Variants in IGHMBP2 observed in about 807,000 individuals in gnomAD.
IGHMBP2 encodes the protein immunoglobulin mu DNA binding protein 2.
Under a neutral mutation model 96.0 loss-of-function variants are expected in IGHMBP2, and 81 were observed. The ratio of observed to expected loss-of-function variants is 0.84; its 90% CI spans 0.71 to 1.01. The LOEUF is 1.01. IGHMBP2 is among the 50% of genes least tolerant of loss of function. The pLI, the probability that IGHMBP2 is intolerant of heterozygous loss-of-function variation, is 0.00. For synonymous variants in IGHMBP2, 557 were observed against 548.9 expected (o/e 1.01, Z -0.21); for missense variants, 1,227 against 1,306.3 (o/e 0.94, Z 0.94).
At chr11:68,933,654 C>T (rs969518509) in intron 9 of IGHMBP2, 141 bp from the exon 10 acceptor site, 13 of 997,386 alleles carry the variant, frequency 1.3e-5, no homozygotes, top group Non-Finnish European at 1.7e-5. Flanking sequence ...CAGGCCCGCT[C>T]CCTCCCTTCT....
chr11:68,912,693 A>G (rs1300818261), intron 5 of IGHMBP2, among the ~76,000 whole-genome samples: 1 of 152,096 alleles, frequency 6.6e-6, no homozygotes, highest in Non-Finnish European at 1.5e-5. Flanking sequence ...CTGAGCACCC[A>G]TTTAATCCTC....
In IGHMBP2 at chr11:68,916,149, C is replaced by T. The variant is rs140472624; in HGVS notation, c.912+1126C>T. Among the ~76,000 whole-genome samples, 855 of 151,728 alleles carry T rather than the reference C, an allele frequency of 5.6e-3. 5 individuals are homozygous for T. Among genetic ancestry groups the T allele is most frequent in the African/African-American group, 0.018 (733 of 41,364 alleles). On this transcript the variant is annotated intron_variant, in intron 6 of 14. Coordinates refer to ENST00000255078, the MANE Select transcript of IGHMBP2 (RefSeq NM_002180.3). The stretch of plus-strand genomic sequence containing the variant: ...TGGTCACTCCACTGCACTCCAGCCT[C>T]GGTGACAAAGCAAGACTCCGTCTCA...
Position 68,934,543 on chromosome 11 carries a change from G to A in IGHMBP2, c.1617G>A (p.Ser539=), listed in dbSNP as rs200269024. Residue 539 remains serine, a synonymous_variant, in exon 11 of 15, where the codon TCG becomes TCA. Transcript: ENST00000255078. ...GVPARDIAVV[S]PYNLQVDLLR... is the part of the protein sequence containing the mutation. ...CAGCCCGTGACATTGCTGTGGTCTC[G>A]CCATACAACCTCCAGGTACGAGGGT... 6.8e-6 allele frequency: 11 copies of A among 1,611,610 alleles called. No individual in the cohort carries two copies. The East Asian group carries it at 8.9e-5, about 13-fold the overall frequency.
chr11:68,937,872 AC>A, intron 13 of IGHMBP2: 1 of 405,040 alleles, frequency 2.5e-6, no homozygotes, highest in South Asian at 2.5e-5. Context: ...ACTGTATGCC[AC>A]GCTTTGTGCT....
In IGHMBP2 at chr11:68,903,949, G is replaced by A. The variant is rs752980392; in HGVS notation, c.-4G>A. 2.5e-5 allele frequency: 39 copies of A among 1,575,642 alleles called. No homozygotes were observed. The highest frequency in any genetic ancestry group is 1.7e-4 in the Middle Eastern group (1 of 6,022). On this transcript the variant is annotated 5_prime_UTR_variant, in exon 1 of 15. Coordinates refer to ENST00000255078, the MANE Select transcript of IGHMBP2 (RefSeq NM_002180.3). ...GCTTCTAGGGGCCCAGGCCGGCGGC[G>A]GCGATGGCCTCGGCAGCTGTGGAGA...
At chr11:68,937,360 A>T (rs1859589955) in intron 13 of IGHMBP2, among the ~76,000 whole-genome samples, 1 of 152,196 alleles carries the variant, frequency 6.6e-6, no homozygotes, top group African/African-American at 2.4e-5. Context: ...CAGCAGCAGG[A>T]GGGGCCTGGA....
intron 2 of IGHMBP2, among the ~76,000 whole-genome samples, 164 bp from the exon 3 acceptor site, chr11:68,907,981 G>A (rs958869089): frequency 1.4e-5 from 2 of 145,542 alleles, no homozygotes; most frequent in Non-Finnish European, 3.0e-5. Flanking sequence ...GAGCCACCGT[G>A]CCCGGCCTAA....
intron 13 of IGHMBP2, chr11:68,937,607 T>C (rs1859602973): frequency 4.0e-6 from 1 of 248,146 alleles, no homozygotes; most frequent in Admixed American, 5.1e-5. Context: ...ACATCCTGCA[T>C]TGTGCCCACC....
intron 13 of IGHMBP2, among the ~76,000 whole-genome samples, chr11:68,937,482 C>T (rs1030780628): frequency 6.6e-6 from 1 of 152,248 alleles, no homozygotes; most frequent in Non-Finnish European, 1.5e-5. Flanking sequence ...AGGGTGCACT[C>T]TGCCTGGAAG....
At chr11:68,933,747 T>G (rs1174619491) in intron 9 of IGHMBP2, 48 bp from the exon 10 acceptor site, 1 of 1,449,378 alleles carries the variant, frequency 6.9e-7, no homozygotes, top group South Asian at 1.2e-5. Flanking sequence ...GGGGCCTCAG[T>G]GCTGCACTGT....
intron 12 of IGHMBP2, among the ~76,000 whole-genome samples, chr11:68,935,703 C>T (rs972198720): frequency 1.2e-4 from 19 of 152,192 alleles, no homozygotes; most frequent in African/African-American, 4.6e-4. Flanking sequence ...GAGGTGAAGC[C>T]CCCTGCAGCC....
chr11:68,906,644 T>C (rs1182589451), intron 2 of IGHMBP2, among the ~76,000 whole-genome samples: 8 of 143,794 alleles, frequency 5.6e-5, no homozygotes, highest in East Asian at 4.0e-4. Flanking sequence ...TCTTTTCTTT[T>C]TTTTTTTTTT....
At chr11:68,932,500 C>T (rs1199185904) in intron 8 of IGHMBP2, 3 of 152,144 alleles carry the variant, frequency 2.0e-5, no homozygotes, top group African/African-American at 7.3e-5. Flanking sequence ...TCTGTCTCAC[C>T]CTTCTTACAT....
intron 7 of IGHMBP2, among the ~76,000 whole-genome samples, chr11:68,925,044 T>C (rs1859012418): frequency 6.6e-6 from 1 of 152,048 alleles, no homozygotes; most frequent in Admixed American, 6.5e-5. Flanking sequence ...TCTTTTAATA[T>C]GGCCCTGGGA....
intron 12 of IGHMBP2, 103 bp from the exon 13 acceptor site, chr11:68,936,134 C>T: frequency 7.3e-7 from 1 of 1,361,688 alleles, no homozygotes; most frequent in South Asian, 1.2e-5. Flanking sequence ...GGGCCACGCG[C>T]AGGGGACTAC....
intron 5 of IGHMBP2, among the ~76,000 whole-genome samples, chr11:68,914,220 A>G (rs1192931967): frequency 1.3e-5 from 2 of 152,120 alleles, no homozygotes; most frequent in East Asian, 1.9e-4. Flanking sequence ...ACAACTGTCC[A>G]TGGGACTATT....
Position 68,908,842 on chromosome 11 carries a change from G to GTTT in IGHMBP2, c.547+225_547+227dup, listed in dbSNP as rs770866695. Among the ~76,000 whole-genome samples the GTTT allele has an allele frequency of 9.7e-4, 130 of 134,588 alleles. 1 individual carries two copies. The highest frequency in any genetic ancestry group is 1.9e-3 in the Admixed American group (24 of 12,862). 88.3% of individuals were successfully genotyped at this position (134,588 alleles called of 152,430 possible). On this transcript the variant is annotated intron_variant, in intron 4 of 14. Coordinates refer to ENST00000255078, the MANE Select transcript of IGHMBP2 (RefSeq NM_002180.3). ...TAATGAACTGGCTCGTTCCATTGAG[G>GTTT]TTTTTTTTTTTTTTTTGAGACAGAA...
chr11:68,929,536 G>A (rs1594446082), intron 8 of IGHMBP2, among the ~76,000 whole-genome samples, 179 bp downstream of exon 8: 1 of 152,200 alleles, frequency 6.6e-6, no homozygotes, highest in Admixed American at 6.5e-5. Context: ...GTGAGATCAT[G>A]TACTCCCCGA....
At chr11:68,910,881 CAAAA>C (rs10599717) in intron 4 of IGHMBP2, among the ~76,000 whole-genome samples, 14 of 120,822 alleles carry the variant, frequency 1.2e-4, no homozygotes, top group Admixed American at 1.7e-4. Context: ...GACTCCATCT[CAAAA>C]AAAAAAAAAA....
Sources: allele counts gnomAD v4.1 joint callset (sites outside exome capture counted in the v4.1 genomes callset), GRCh38; gene constraint gnomAD v4.1.1; transcripts MANE v1.5; gene names NCBI Gene and HGNC (gene_info 2026-07-23, HGNC 2026-07-21).